BNC2: variants seen among roughly 807,000 people sequenced by gnomAD.
BNC2 encodes the protein basonuclin zinc finger protein 2.
BNC2 carries 20 observed loss-of-function variants against 76.3 expected under a neutral mutation model. The ratio of observed to expected loss-of-function variants is 0.26; its 90% confidence interval spans 0.18 to 0.38. The LOEUF (loss-of-function observed/expected upper bound fraction) is 0.38. BNC2 is among the 10% of genes least tolerant of loss of function. BNC2 has a pLI of 1.00. For synonymous variants in BNC2, 582 were observed against 514.8 expected (o/e 1.13, Z -1.77); for missense variants, 1,382 against 1,399.8 (o/e 0.99, Z 0.20).
chr9:16,505,346 G>A (rs539640725), intron 5 of BNC2, among the ~76,000 whole-genome samples: 2 of 152,228 alleles, frequency 1.3e-5, no homozygotes, highest in East Asian at 3.9e-4. Flanking sequence ...GTAAATAATC[G>A]AAACAAAGAA....
intron 1 of BNC2, among the ~76,000 whole-genome samples, chr9:16,811,552 CAA>C (rs1179927173): frequency 1.7e-4 from 10 of 58,056 alleles, no homozygotes; most frequent in African/African-American, 6.6e-4. Flanking sequence ...AACTCCATCT[CAA>C]AAAAAAAAAA....
Position 16,787,427 on chromosome 9 carries a change from G to T in BNC2, c.4-48942C>A, listed in dbSNP as rs566482472. On this transcript the variant is annotated intron_variant, in intron 1 of 6. Transcript: ENST00000380672. ...AGAGTATGGACTCTGGAGCCACGCT[G>T]CCTGAGTTTAAATCCCAGCTCTGCC... 1.3e-3 allele frequency among the ~76,000 whole-genome samples: 200 copies of T among 152,318 alleles called. 1 individual carries two copies. The highest frequency in any genetic ancestry group is 4.8e-3 in the African/African-American group (198 of 41,560).
intron 1 of BNC2, among the ~76,000 whole-genome samples, chr9:16,845,007 T>C (rs1420521182): frequency 6.6e-6 from 1 of 152,072 alleles, no homozygotes; most frequent in Non-Finnish European, 1.5e-5. Context: ...ACTGTGTAGG[T>C]AGTAGCATCA....
At chr9:16,550,257 G>GA (rs1554670826) in intron 5 of BNC2, among the ~76,000 whole-genome samples, 3 of 151,078 alleles carry the variant, frequency 2.0e-5, no homozygotes, top group Admixed American at 6.6e-5. Context: ...CATTATGAGA[G>GA]TTTTTTTTTA....
In BNC2 at chr9:16,761,632, G is replaced by C. The variant is rs144731601; in HGVS notation, c.4-23147C>G. 7.9e-3 allele frequency among the ~76,000 whole-genome samples: 1,204 copies of C among 152,250 alleles called. 8 individuals carry two copies. The highest frequency in any genetic ancestry group is 0.024 in the Middle Eastern group (7 of 294). Reference sequence around the variant, plus strand: ...ATAAAGCAACATACTCGTAAGTTCAGGATTCTAGTTATGGAAGCTGGAAAA... The same window carrying C: ...ATAAAGCAACATACTCGTAAGTTCACGATTCTAGTTATGGAAGCTGGAAAA... On this transcript the variant is annotated intron_variant, in intron 1 of 6. Coordinates refer to ENST00000380672, the MANE Select transcript of BNC2 (RefSeq NM_017637.6).
At chr9:16,461,101 G>T (rs1821569618) in intron 5 of BNC2, among the ~76,000 whole-genome samples, 1 of 151,978 alleles carries the variant, frequency 6.6e-6, no homozygotes, top group African/African-American at 2.4e-5. Flanking sequence ...ATCAATTGAG[G>T]CTCTCTTGGT....
At position 16,412,564 on chromosome 9, in the gene BNC2, C is replaced by T. The variant is rs1404417429; in HGVS notation, c.*6425G>A. The T allele has an allele frequency of 6.6e-6, 1 of 152,626 alleles. No homozygotes were observed. Among genetic ancestry groups the T allele is most frequent in the Non-Finnish European group, 1.5e-5 (1 of 68,046 alleles). The allele number at this position is 152,626 out of a possible 1,614,324, so 9.5% of individuals were successfully genotyped here. A position where few individuals can be genotyped will look rare whatever the true frequency, so the allele number is the denominator to read the frequency against. ...GGATGCCGTCACAGACAGCATCTCT[C>T]TACTGACCCTTTATTTAAGAAGTCA... On this transcript the variant is annotated 3_prime_UTR_variant, in exon 7 of 7. Transcript: ENST00000380672.
chr9:16,496,462 C>A (rs1438744681), intron 5 of BNC2, among the ~76,000 whole-genome samples: 1 of 152,086 alleles, frequency 6.6e-6, no homozygotes, highest in African/African-American at 2.4e-5. Context: ...CAGAAGAGCC[C>A]TAAGTTGTGC....
intron 5 of BNC2, among the ~76,000 whole-genome samples, chr9:16,534,667 A>G (rs1486846579): frequency 6.6e-6 from 1 of 151,864 alleles, no homozygotes; most frequent in East Asian, 1.9e-4. Flanking sequence ...ACCCATCTAT[A>G]AGAAGTACAG....
chr9:16,419,319 G>T lies in BNC2; in HGVS notation c.2970C>A (p.Leu990=). The change falls in exon 7 of 7, where the codon CTC becomes CTA. Residue 990 remains leucine, a synonymous_variant. Transcript: ENST00000380672. ...SDAGSDEGIL[L]DDIDGASDSG... is the part of the protein sequence containing the mutation. Reference sequence around the variant, plus strand: ...TGTCACTCGCCCCGTCAATGTCATCGAGAAGAATCCCCTCATCGCTGCCTG... The same window carrying T: ...TGTCACTCGCCCCGTCAATGTCATCTAGAAGAATCCCCTCATCGCTGCCTG... 1 of 1,613,490 alleles carries T rather than the reference G, an allele frequency of 6.2e-7. No homozygotes were observed. The highest frequency in any genetic ancestry group is 1.1e-5 in the South Asian group (1 of 91,084).
chr9:16,835,101 G>A (rs1312205116), intron 1 of BNC2, among the ~76,000 whole-genome samples: 1 of 152,160 alleles, frequency 6.6e-6, no homozygotes, highest in Non-Finnish European at 1.5e-5. Context: ...AGAGTGTTGT[G>A]CAAATATCAA....
intron 5 of BNC2, among the ~76,000 whole-genome samples, chr9:16,526,369 A>G (rs1422701843): frequency 6.6e-6 from 1 of 152,012 alleles, no homozygotes. Flanking sequence ...AACCAAACCA[A>G]CATAATACCT....
chr9:16,462,974 A>G (rs1821617734), intron 5 of BNC2, among the ~76,000 whole-genome samples: 1 of 151,956 alleles, frequency 6.6e-6, no homozygotes, highest in Non-Finnish European at 1.5e-5. Context: ...AGAACCGACC[A>G]TTTCTGGGGA....
intron 3 of BNC2, among the ~76,000 whole-genome samples, chr9:16,616,688 CAAAA>C (rs112502957): frequency 3.5e-4 from 26 of 73,806 alleles, no homozygotes; most frequent in African/African-American, 1.2e-3. Flanking sequence ...GATCCTCTCT[CAAAA>C]AAAAAAAAAA....
intron 5 of BNC2, among the ~76,000 whole-genome samples, chr9:16,509,789 T>C (rs1394078416): frequency 6.6e-6 from 1 of 152,220 alleles, no homozygotes; most frequent in Non-Finnish European, 1.5e-5. Context: ...CTCCAAGTTA[T>C]AAAGTCATTT....
chr9:16,667,255 C>T (rs1350823148), intron 3 of BNC2, among the ~76,000 whole-genome samples: 1 of 152,184 alleles, frequency 6.6e-6, no homozygotes, highest in African/African-American at 2.4e-5. Context: ...TATTTAACAG[C>T]TAACCAAAAT....
intron 3 of BNC2, among the ~76,000 whole-genome samples, chr9:16,681,640 T>C (rs1822824939): frequency 6.6e-6 from 1 of 152,118 alleles, no homozygotes; most frequent in South Asian, 2.1e-4. Flanking sequence ...ACTACACTTA[T>C]TCTCTACCCC....
At chr9:16,866,724 T>C (rs1456916314) in intron 1 of BNC2, among the ~76,000 whole-genome samples, 6 of 151,476 alleles carry the variant, frequency 4.0e-5, no homozygotes, top group Admixed American at 3.9e-4. Context: ...TGAGCCAGTA[T>C]TCATTACCTA....
intron 3 of BNC2, among the ~76,000 whole-genome samples, chr9:16,660,111 A>G (rs1822065551): frequency 6.6e-6 from 1 of 152,236 alleles, no homozygotes. Flanking sequence ...ACTATTTACT[A>G]GCACTTTGCA....
Sources: allele counts gnomAD v4.1 joint callset (sites outside exome capture counted in the v4.1 genomes callset), GRCh38; gene constraint gnomAD v4.1.1; transcripts MANE v1.5; gene names NCBI Gene and HGNC (gene_info 2026-07-23, HGNC 2026-07-21).